SLCO3A1: variants seen among roughly 807,000 people sequenced by gnomAD.
SLCO3A1 encodes the protein PGE1 transporter.
In SLCO3A1, 27 loss-of-function variants were observed where a neutral mutation model predicts 63.1. The ratio of observed to expected loss-of-function variants is 0.43; its 90% CI spans 0.32 to 0.59. SLCO3A1 has a LOEUF of 0.59. Ranked by LOEUF, SLCO3A1 falls within the 20% of genes least tolerant of loss-of-function variation. The pLI, the probability that SLCO3A1 is intolerant of heterozygous loss-of-function variation, is 0.09. For missense variants in SLCO3A1, 773 were observed against 945.8 expected (o/e 0.82, Z 2.40); for synonymous variants, 473 against 409.9 (o/e 1.15, Z -1.86).
At chr15:92,030,554 A>T (rs149166579) in intron 2 of SLCO3A1, among the ~76,000 whole-genome samples, 1 of 152,336 alleles carries the variant, frequency 6.6e-6, no homozygotes, top group Non-Finnish European at 1.5e-5. Context: ...AACTTTGAAG[A>T]ACTCTGCCCT....
At chr15:91,889,128 T>C (rs765760708) in intron 1 of SLCO3A1, 1 of 1,268,300 alleles carries the variant, frequency 7.9e-7, no homozygotes, top group South Asian at 1.3e-5. Context: ...TAAGTGGACG[T>C]GGATGGTTTT....
At chr15:91,973,742 G>A (rs546016806) in intron 2 of SLCO3A1, among the ~76,000 whole-genome samples, 11 of 152,224 alleles carry the variant, frequency 7.2e-5, no homozygotes, top group South Asian at 4.1e-4. Flanking sequence ...AGCCTCCATC[G>A]GTGCACAGGA....
chr15:92,066,479 T>A (rs2047153316), intron 2 of SLCO3A1, among the ~76,000 whole-genome samples: 1 of 152,342 alleles, frequency 6.6e-6, no homozygotes, highest in East Asian at 1.9e-4. Context: ...AAACAGCTTC[T>A]GAGAAATGCA....
intron 2 of SLCO3A1, among the ~76,000 whole-genome samples, chr15:92,094,172 T>C (rs1459777900): frequency 2.6e-5 from 4 of 152,330 alleles, no homozygotes; most frequent in Admixed American, 2.0e-4. Context: ...ATTGTATCGA[T>C]CAGATACTTA....
chr15:91,866,427 C>T lies in SLCO3A1; in HGVS notation c.180+12339C>T, dbSNP rs980925906. 1.3e-4 allele frequency among the ~76,000 whole-genome samples: 20 copies of T among 152,142 alleles called. 1 individual carries two copies. The highest frequency in any genetic ancestry group is 2.9e-4 in the African/African-American group (12 of 41,494). On this transcript the variant is annotated intron_variant, in intron 1 of 9. Coordinates refer to ENST00000318445, the MANE Select transcript of SLCO3A1 (RefSeq NM_013272.4). ...GACCAAAAGAGACTTTATCACTGTG[C>T]GCTGTGCCAGCCAGTCTCAGATTTG...
intron 7 of SLCO3A1, among the ~76,000 whole-genome samples, chr15:92,130,076 CTGTTA>C (rs1334062769): frequency 6.6e-6 from 1 of 152,090 alleles, no homozygotes; most frequent in African/African-American, 2.4e-5. Context: ...GGTTATTGTC[CTGTTA>C]TAAGAATTAA....
At chr15:92,004,026 A>G (rs2046285446) in intron 2 of SLCO3A1, among the ~76,000 whole-genome samples, 1 of 152,178 alleles carries the variant, frequency 6.6e-6, no homozygotes, top group Non-Finnish European at 1.5e-5. Flanking sequence ...TTGGTGCCTT[A>G]TGGTATGTGG....
intron 2 of SLCO3A1, among the ~76,000 whole-genome samples, chr15:92,016,254 T>TAGATAGATTAGATAGA: frequency 0.016 from 1,487 of 95,512 alleles, 17 homozygotes; most frequent in Middle Eastern, 0.03. Context: ...GATAGATAGA[T>TAGATAGATTAGATAGA]TAGATAGATA....
At chr15:91,880,098 TGTCCGTCC>T (rs61664916) in intron 1 of SLCO3A1, among the ~76,000 whole-genome samples, 1,941 of 97,716 alleles carry the variant, frequency 0.02, 22 homozygotes, top group Middle Eastern at 0.03. Context: ...CTTGTATGTG[TGTCCGTCC>T]GTCCGTCCGT....
chr15:92,168,601 G>A (rs141977105), downstream of SLCO3A1, among the ~76,000 whole-genome samples: 31 of 152,280 alleles, frequency 2.0e-4, no homozygotes, highest in African/African-American at 7.0e-4. Flanking sequence ...GGACCCTAGC[G>A]GCTGAGCATA....
intron 3 of SLCO3A1, among the ~76,000 whole-genome samples, chr15:92,098,553 C>T (rs1031694948): frequency 3.3e-5 from 5 of 152,234 alleles, no homozygotes; most frequent in African/African-American, 1.2e-4. Flanking sequence ...TATCTAATCA[C>T]TGCCTTGGCC....
At chr15:92,132,460 T>A (rs1376813591) in intron 7 of SLCO3A1, among the ~76,000 whole-genome samples, 3 of 144,734 alleles carry the variant, frequency 2.1e-5, no homozygotes, top group African/African-American at 7.5e-5. Flanking sequence ...CAAAAAAAAA[T>A]TGAGTTAATT....
intron 7 of SLCO3A1, among the ~76,000 whole-genome samples, chr15:92,144,090 C>G (rs1250336926): frequency 6.6e-6 from 1 of 152,260 alleles, no homozygotes; most frequent in Non-Finnish European, 1.5e-5. Flanking sequence ...GTCCTTATGC[C>G]TGACCGTGTG....
At chr15:92,120,330 A>G (rs2047848473) in intron 4 of SLCO3A1, 135 bp from the exon 5 acceptor site, 5 of 824,740 alleles carry the variant, frequency 6.1e-6, no homozygotes, top group Middle Eastern at 2.7e-4. Flanking sequence ...GGCCTTAGCA[A>G]CTGGGTACCT....
Position 91,954,106 on chromosome 15 carries a change from A to G in SLCO3A1, c.646+37648A>G, listed in dbSNP as rs11630590. 0.42 allele frequency among the ~76,000 whole-genome samples: 63,839 copies of G among 152,056 alleles called. 14,226 individuals are homozygous for G. The highest frequency in any genetic ancestry group is 0.78 in the East Asian group (4,013 of 5,162). On this transcript the variant is annotated intron_variant, in intron 2 of 9. Coordinates refer to ENST00000318445, the MANE Select transcript of SLCO3A1 (RefSeq NM_013272.4). The surrounding 1 kb of genome is among the most constrained non-coding windows in gnomAD (Gnocchi z 4.7). ...CTTCACAGAGCATGTAGAAACCCCC[A>G]CTCATGAGGGAAAGATTGAGAAAGG...
chr15:92,007,200 G>A (rs2046322665), intron 2 of SLCO3A1, among the ~76,000 whole-genome samples: 1 of 152,172 alleles, frequency 6.6e-6, no homozygotes, highest in Non-Finnish European at 1.5e-5. Context: ...GTGCTGCTAA[G>A]AATAAGGAAG....
At chr15:92,102,573 G>C (rs1356575488) in intron 3 of SLCO3A1, among the ~76,000 whole-genome samples, 2 of 70,040 alleles carry the variant, frequency 2.9e-5, no homozygotes, top group Non-Finnish European at 6.4e-5. Context: ...GGCAGAGCTG[G>C]GATTCGGCCC....
At chr15:91,937,318 A>C (rs1003651520) in intron 2 of SLCO3A1, among the ~76,000 whole-genome samples, 1 of 152,188 alleles carries the variant, frequency 6.6e-6, no homozygotes, top group Admixed American at 6.5e-5. Flanking sequence ...GCCAGGCCCC[A>C]TGGGGAACAA....
Position 91,856,125 on chromosome 15 carries a change from A to T in SLCO3A1, c.180+2037A>T, listed in dbSNP as rs950059634. Among the ~76,000 whole-genome samples the T allele has an allele frequency of 2.6e-5, 4 of 151,900 alleles. No individual in the cohort carries two copies. The highest frequency in any genetic ancestry group is 9.7e-5 in the African/African-American group (4 of 41,338). ...GAGATAGGAGGTTGACTTTAATCCC[A>T]GAACAGGGGAATGGCAAGCAGAGGA... On this transcript the variant is annotated intron_variant, in intron 1 of 9. Coordinates refer to ENST00000318445, the MANE Select transcript of SLCO3A1 (RefSeq NM_013272.4). This position sits in a 1 kb window ranked among gnomAD's most constrained non-coding sequence, Gnocchi z 4.9.
Sources: gnomAD v4.1 joint callset for allele counts (sites outside exome capture counted in the v4.1 genomes callset) on GRCh38, gnomAD v4.1.1 for gene constraint, Gnocchi (gnomAD v3.1) non-coding constraint, MANE v1.5 for transcripts, NCBI Gene and HGNC (gene_info 2026-07-23, HGNC 2026-07-21) for gene names.